Variants in GRM7 observed in about 807,000 individuals in gnomAD.
GRM7 encodes the protein glutamate metabotropic receptor 7, also known as metabotropic glutamate receptor 7.
In GRM7, 35 loss-of-function variants were observed where a neutral mutation model predicts 84.5. That is an observed-to-expected ratio of 0.41 (90% CI 0.32 to 0.55). The LOEUF (loss-of-function observed/expected upper bound fraction) is 0.55, where lower values mean the gene tolerates loss of function less well. Among genes scored for constraint, GRM7 ranks in the 20% least tolerant of loss-of-function variants. GRM7 has a pLI of 0.19. For synonymous variants in GRM7, 487 were observed against 455.1 expected (o/e 1.07, Z -0.89); for missense variants, 1,003 against 1,194.6 (o/e 0.84, Z 2.36).
intron 9 of GRM7, among the ~76,000 whole-genome samples, chr3:7,725,189 G>T (rs1157162170): frequency 6.6e-6 from 1 of 152,166 alleles, no homozygotes; most frequent in Admixed American, 6.5e-5. Flanking sequence ...GCAACTGGGG[G>T]TTGGCAAGTG....
intron 4 of GRM7, among the ~76,000 whole-genome samples, chr3:7,354,097 C>T (rs907307758): frequency 2.0e-5 from 3 of 152,114 alleles, no homozygotes; most frequent in Non-Finnish European, 2.9e-5. Context: ...AAGCCAGTTT[C>T]CCTTGAGAAA....
At chr3:7,038,072 T>C (rs1431497784) in intron 1 of GRM7, among the ~76,000 whole-genome samples, 2 of 152,218 alleles carry the variant, frequency 1.3e-5, no homozygotes, top group African/African-American at 4.8e-5. Flanking sequence ...AAAAGTTTTC[T>C]TCTCATGTTT....
chr3:7,551,644 A>G (rs1019902878), intron 7 of GRM7, among the ~76,000 whole-genome samples: 1 of 151,418 alleles, frequency 6.6e-6, no homozygotes, highest in African/African-American at 2.4e-5. Flanking sequence ...ACATATGACA[A>G]TGCTTCTGCC....
chr3:6,971,483 A>G (rs993757843), intron 1 of GRM7, among the ~76,000 whole-genome samples: 1 of 152,110 alleles, frequency 6.6e-6, no homozygotes, highest in African/African-American at 2.4e-5. Flanking sequence ...ACCCCAATAA[A>G]ACCATCAAAA....
At chr3:6,999,626 G>A (rs11706248) in intron 1 of GRM7, among the ~76,000 whole-genome samples, 20,194 of 152,174 alleles carry the variant, frequency 0.13, 1,655 homozygotes, top group East Asian at 0.26. Context: ...TCACAGTTCT[G>A]CAGGGCTGGG....
chr3:7,048,370 T>C (rs922844844), intron 1 of GRM7, among the ~76,000 whole-genome samples: 1 of 152,030 alleles, frequency 6.6e-6, no homozygotes, highest in Non-Finnish European at 1.5e-5. Flanking sequence ...CAAACAATAC[T>C]TTGTTATTAA....
At chr3:6,872,187 T>A (rs1007276621) in intron 1 of GRM7, among the ~76,000 whole-genome samples, 3 of 152,200 alleles carry the variant, frequency 2.0e-5, no homozygotes, top group Non-Finnish European at 2.9e-5. Flanking sequence ...AGGTCAAAAA[T>A]GCTGTCCCGC....
At chr3:7,357,312 C>T (rs1013836445) in intron 4 of GRM7, among the ~76,000 whole-genome samples, 1 of 151,758 alleles carries the variant, frequency 6.6e-6, no homozygotes, top group African/African-American at 2.4e-5. Flanking sequence ...TCCATGACAC[C>T]ACTCTCTCTC....
intron 1 of GRM7, among the ~76,000 whole-genome samples, chr3:6,913,821 A>C (rs1238613344): frequency 6.6e-6 from 1 of 152,186 alleles, no homozygotes; most frequent in East Asian, 1.9e-4. Context: ...ATAGACAACC[A>C]GACAGAATGA....
intron 1 of GRM7, among the ~76,000 whole-genome samples, chr3:6,915,856 A>C (rs1696923753): frequency 3.3e-5 from 5 of 152,182 alleles, no homozygotes. Flanking sequence ...GTGTAGTTCC[A>C]AGAAGAAATA....
At position 7,614,837 on chromosome 3, in the gene GRM7, C is replaced by A. The variant is rs1272178417; in HGVS notation, c.2451+35480C>A. Among the ~76,000 whole-genome samples the A allele has an allele frequency of 3.3e-5, 5 of 152,042 alleles. No homozygotes were observed. In the East Asian group the frequency reaches 9.6e-4, roughly 29 times the overall value. On this transcript the variant is annotated intron_variant, in intron 8 of 9. Coordinates refer to ENST00000357716, the MANE Select transcript of GRM7 (RefSeq NM_000844.4). ...CCTTCCTTATTTTTATGTCATTGTG[C>A]CATATGCTTTAAACCCCAAAGTCAG... is the stretch of plus-strand genomic sequence containing the variant.
intron 7 of GRM7, among the ~76,000 whole-genome samples, chr3:7,468,613 G>T (rs1051707952): frequency 6.6e-6 from 1 of 152,132 alleles, no homozygotes; most frequent in Non-Finnish European, 1.5e-5. Context: ...TGGTTTGCCT[G>T]TGCCCCCACC....
rs561505541 is a variant in GRM7, at chr3:7,427,521, C to T, written c.1174+12358C>T. Among the ~76,000 whole-genome samples, 326 of 152,062 alleles carry T rather than the reference C, an allele frequency of 2.1e-3. 1 individual carries two copies. The highest frequency in any genetic ancestry group is 3.7e-3 in the Non-Finnish European group (255 of 68,022). ...CCTATTCCTGTAGGTGAATACAAAT[C>T]GAAATAAATAAAAATTTTTATATTT... is the stretch of plus-strand genomic sequence containing the variant. On this transcript the variant is annotated intron_variant, in intron 5 of 9. Coordinates refer to ENST00000357716, the MANE Select transcript of GRM7 (RefSeq NM_000844.4).
intron 1 of GRM7, among the ~76,000 whole-genome samples, chr3:6,968,358 G>A (rs1408151393): frequency 6.6e-6 from 1 of 151,980 alleles, no homozygotes; most frequent in Non-Finnish European, 1.5e-5. Context: ...ATTTTATTTT[G>A]ATTACCTCTG....
intron 8 of GRM7, among the ~76,000 whole-genome samples, chr3:7,582,698 G>A (rs766584941): frequency 2.4e-4 from 37 of 152,028 alleles, no homozygotes; most frequent in Non-Finnish European, 4.3e-4. Context: ...TGATTTCCAC[G>A]GGAGCCTTCG....
At chr3:7,598,737 G>A (rs919811454) in intron 8 of GRM7, among the ~76,000 whole-genome samples, 5 of 152,064 alleles carry the variant, frequency 3.3e-5, no homozygotes, top group African/African-American at 1.2e-4. Context: ...AAAGTGGGCT[G>A]GGTACAGATA....
intron 2 of GRM7, among the ~76,000 whole-genome samples, chr3:7,240,206 A>C (rs1011900928): frequency 1.6e-5 from 2 of 126,192 alleles, no homozygotes; most frequent in African/African-American, 3.0e-5. Context: ...CTTCTATAGG[A>C]GGTGTGGGGC....
At chr3:7,613,352 A>C (rs1293327601) in intron 8 of GRM7, among the ~76,000 whole-genome samples, 1 of 152,198 alleles carries the variant, frequency 6.6e-6, no homozygotes, top group Admixed American at 6.5e-5. Context: ...TACATATGTC[A>C]TGCATATTTC....
intron 2 of GRM7, among the ~76,000 whole-genome samples, chr3:7,296,712 G>A (rs531841864): frequency 1.3e-5 from 2 of 151,756 alleles, no homozygotes; most frequent in South Asian, 2.1e-4. Flanking sequence ...GATCATCAGG[G>A]TTACCCTTCT....
Sources: gnomAD v4.1 joint callset for allele counts (sites outside exome capture counted in the v4.1 genomes callset) on GRCh38, gnomAD v4.1.1 for gene constraint, MANE v1.5 for transcripts, NCBI Gene and HGNC (gene_info 2026-07-23, HGNC 2026-07-21) for gene names.